The following MICAL1 variants were observed in gnomAD, a reference collection of about 807,000 sequenced individuals.
The protein encoded by MICAL1 is [F-actin]-monooxygenase MICAL1.
A neutral mutation model predicts 131.8 loss-of-function variants in MICAL1; 95 were observed. The ratio of observed to expected loss-of-function variants is 0.72; its 90% confidence interval spans 0.61 to 0.86. The LOEUF (loss-of-function observed/expected upper bound fraction) is 0.86, where lower values mean the gene tolerates loss of function less well. Among genes scored for constraint, MICAL1 ranks in the 40% least tolerant of loss-of-function variants. The probability of loss-of-function intolerance (pLI) is 0.00; values close to 1 mark genes in which losing one functional copy is unlikely to be tolerated. For missense variants in MICAL1, 1,292 were observed against 1,380.6 expected, an observed-to-expected ratio of 0.94 and a Z score of 1.02; for synonymous variants, 546 against 554.2, an observed-to-expected ratio of 0.99 and a Z score of 0.21.
intron 12 of MICAL1, 78 bp downstream of exon 12, chr6:109,448,654 C>G (rs2115330581): frequency 1.3e-6 from 2 of 1,574,160 alleles, no homozygotes; most frequent in Non-Finnish European, 1.7e-6. Flanking sequence ...GGGAAGCACA[C>G]TGTCTCTAGG....
Position 109,449,378 on chromosome 6 carries a change from C to T in MICAL1, c.1516+22G>A, listed in dbSNP as rs576131136. On this transcript the variant is annotated intron_variant, in intron 11 of 24. Transcript: ENST00000358807. ...TGGGTAGTACATATTTTGGTCACCC[C>T]TTGGGAGGAAGGCCTGCTCACCGGT... The T allele has an allele frequency of 1.4e-4, 221 of 1,614,090 alleles. 1 individual carries two copies. In the Middle Eastern group the frequency reaches 2.1e-3, roughly 16 times the overall value.
chr6:109,457,535 CCAGAGACCA>C (rs1775784954), upstream of MICAL1, among the ~76,000 whole-genome samples: 2 of 29,842 alleles, frequency 6.7e-5, no homozygotes, highest in African/African-American at 3.7e-3. Flanking sequence ...TCCTTGAGAT[CCAGAGACCA>C]TAAGAGATCC....
rs202176972 is a variant in MICAL1 at position 109,453,225 on chromosome 6, G to C, written c.571+38C>G. 1.1e-4 allele frequency: 162 copies of C among 1,509,492 alleles called. No homozygotes were observed. The African/African-American group carries it at 2.1e-3, about 20-fold the overall frequency. 93.5% of individuals were successfully genotyped at this position (1,509,492 alleles called of 1,614,324 possible). ...TCAGACACTGGCCAAGTTCTTGATG[G>C]GGGAGGGGGAGATTCCAGGGAGCAT... is the stretch of plus-strand genomic sequence containing the variant. On this transcript the variant is annotated intron_variant, in intron 4 of 24. Transcript: ENST00000358807.
intron 10 of MICAL1, 52 bp downstream of exon 10, chr6:109,449,605 T>G: frequency 6.3e-7 from 1 of 1,595,118 alleles, no homozygotes; most frequent in Non-Finnish European, 8.6e-7. Flanking sequence ...GGGCCTGACC[T>G]GGGGGAAGGG....
Position 109,453,988 on chromosome 6 carries a change from C to G in MICAL1, c.209G>C (p.Arg70Pro), listed in dbSNP as rs565842929. ...AKSLWTKLDK[R>P]AGQPVYQQGR... ...CTGCTGGTAGACAGGCTGGCCTGCT[C>G]GCTTGTCCAGCTTGGTCCACAGTGA... The change falls in exon 2 of 25, where the codon CGA (arginine) becomes CCA (proline). Residue 70 changes from arginine (R) to proline (P), a missense_variant. Transcript: ENST00000358807. 1.2e-5 allele frequency: 20 copies of G among 1,614,046 alleles called. No individual in the cohort carries two copies. In the Admixed American group the frequency reaches 3.0e-4, roughly 24 times the overall value.
intron 7 of MICAL1, 35 bp downstream of exon 7, chr6:109,451,562 TCAC>T: frequency 6.2e-7 from 1 of 1,611,316 alleles, no homozygotes; most frequent in Non-Finnish European, 8.5e-7. Flanking sequence ...CTCCCGGGGC[TCAC>T]CACCCAGCCT....
In MICAL1 at chr6:109,449,399, C is replaced by G. The variant is rs775836919; in HGVS notation, c.1516+1G>C. ...ACCCCTTGGGAGGAAGGCCTGCTCA[C>G]CGGTGGCTGGCATCCCTGTATCTGT... On this transcript the variant is annotated splice_donor_variant, in intron 11 of 24. Transcript: ENST00000358807. LOFTEE classifies it high-confidence loss of function. 1 of 1,614,098 alleles carries G rather than the reference C, an allele frequency of 6.2e-7. No homozygotes were observed. Among genetic ancestry groups the G allele is most frequent in the African/African-American group, 1.3e-5 (1 of 74,930 alleles).
At chr6:109,456,659 C>T (rs73762749), upstream of MICAL1, among the ~76,000 whole-genome samples, 4,195 of 152,260 alleles carry the variant, frequency 0.028, 97 homozygotes, top group African/African-American at 0.064. Flanking sequence ...TCAGCTTCGT[C>T]GTATTCCCGA....
chr6:109,449,569 C>A, intron 10 of MICAL1, 88 bp from the exon 11 acceptor site: 1 of 1,605,874 alleles, frequency 6.2e-7, no homozygotes. Flanking sequence ...TAGGATTGAC[C>A]CCAAAGGGCA....
rs2115332960 is a variant in MICAL1, at chr6:109,449,802, G to A, written c.1308-19C>T. The A allele has an allele frequency of 6.3e-7, 1 of 1,598,940 alleles. No homozygotes were observed. The highest frequency in any genetic ancestry group is 8.5e-7 in the Non-Finnish European group (1 of 1,173,312). On this transcript the variant is annotated intron_variant, in intron 9 of 24. Coordinates refer to ENST00000358807, the MANE Select transcript of MICAL1 (RefSeq NM_022765.4). Reference sequence around the variant, plus strand: ...GCTCTCACTGAGGGGGTGAGGGTAAGGGGCAGGGGCATGAATGGGAGGGCA... The same window carrying A: ...GCTCTCACTGAGGGGGTGAGGGTAAAGGGCAGGGGCATGAATGGGAGGGCA...
At position 109,449,969 on chromosome 6, in the gene MICAL1, C is replaced by T; in HGVS notation, c.1307+1G>A. The stretch of plus-strand genomic sequence containing the variant: ...CACATCCTCCTCAACTCAGGTCTTA[C>T]CGCTCAGCCAACACCTCTAGGGACT... On this transcript the variant is annotated splice_donor_variant, in intron 9 of 24. Transcript: ENST00000358807. LOFTEE classifies it high-confidence loss of function. The T allele has an allele frequency of 1.2e-6, 2 of 1,613,508 alleles. No homozygotes were observed. Among genetic ancestry groups the T allele is most frequent in the African/African-American group, 1.3e-5 (1 of 74,990 alleles).
At chr6:109,446,094 C>A in intron 19 of MICAL1, 42 bp downstream of exon 19, 1 of 1,522,044 alleles carries the variant, frequency 6.6e-7, no homozygotes, top group Non-Finnish European at 8.8e-7. Flanking sequence ...GTGCTCCCAC[C>A]CTGTCCCACC....
At chr6:109,458,102 TCTA>T (rs1251003207), upstream of MICAL1, among the ~76,000 whole-genome samples, 1 of 150,186 alleles carries the variant, frequency 6.7e-6, no homozygotes, top group Non-Finnish European at 1.5e-5. Context: ...CAAACCAAGT[TCTA>T]CTTAGAATTT....
chr6:109,447,754 T>G (rs779814929), intron 14 of MICAL1, 32 bp from the exon 15 acceptor site: 1 of 1,614,036 alleles, frequency 6.2e-7, no homozygotes, highest in Non-Finnish European at 8.5e-7. Context: ...CTAAGTGTGA[T>G]GTTTTGAGGT....
rs1775703956 is a variant in MICAL1 at position 109,455,349 on chromosome 6, G to A, written c.-44+370C>T. Among the ~76,000 whole-genome samples the A allele has an allele frequency of 1.3e-5, 2 of 152,292 alleles. No homozygotes were observed. On this transcript the variant is annotated intron_variant, in intron 1 of 24. Coordinates refer to ENST00000358807, the MANE Select transcript of MICAL1 (RefSeq NM_022765.4). This position sits in a 1 kb window ranked among gnomAD's most constrained non-coding sequence, Gnocchi z 4.7. ...GCCTCCCGCTGCGGGTGGCCCGGAC[G>A]AGGGCAGACGGAATCTCATGACGGA...
At chr6:109,465,965 T>C in exon 1 of MICAL1, 1 of 1,614,244 alleles carries the variant, frequency 6.2e-7, no homozygotes, top group Non-Finnish European at 8.5e-7. Flanking sequence ...TACTTGTAGC[T>C]AAATGGAGCT....
At chr6:109,465,012 A>C (rs1041684423) in intron 1 of MICAL1, 2 of 152,398 alleles carry the variant, frequency 1.3e-5, no homozygotes, top group Admixed American at 1.3e-4. Context: ...TAGTGAAGAA[A>C]GCTTTACCTT....
At chr6:109,456,533 A>G (rs1451860484), upstream of MICAL1, among the ~76,000 whole-genome samples, 1 of 152,142 alleles carries the variant, frequency 6.6e-6, no homozygotes, top group African/African-American at 2.4e-5. Context: ...TTAGACCACC[A>G]CTAAGAGATG....
rs375681782 is a variant in MICAL1, at chr6:109,446,422, C to T, written c.2305-10G>A. 18 of 887,398 alleles carry T rather than the reference C, an allele frequency of 2.0e-5. No homozygotes were observed. In the African/African-American group the frequency reaches 8.2e-4, roughly 40 times the overall value. 55.0% of individuals were successfully genotyped at this position (887,398 alleles called of 1,614,324 possible). ...TTGGTGTGGGGAGCTCCTGGAAAAG[C>T]CACCATGTGGAGTGAGGTCGGGGGG... On this transcript the variant is annotated splice_polypyrimidine_tract_variant and intron_variant, in intron 18 of 24. Transcript: ENST00000358807.
Sources: allele counts gnomAD v4.1 joint callset (sites outside exome capture counted in the v4.1 genomes callset), GRCh38; gene constraint gnomAD v4.1.1; non-coding constraint Gnocchi (gnomAD v3.1); transcripts MANE v1.5; gene names NCBI Gene and HGNC (gene_info 2026-07-23, HGNC 2026-07-21).